DCTN5: variants seen among roughly 807,000 people sequenced by gnomAD.
The protein encoded by DCTN5 is dynactin 4.
Under a neutral mutation model 23.5 loss-of-function variants are expected in DCTN5, and 14 were observed. The observed-to-expected ratio is 0.60, with a 90% confidence interval of 0.39 to 0.93. The LOEUF (loss-of-function observed/expected upper bound fraction) is 0.93, where lower values mean the gene tolerates loss of function less well. Among genes scored for constraint, DCTN5 ranks in the 40% least tolerant of loss-of-function variants. The probability of loss-of-function intolerance (pLI) is 0.00; values close to 1 mark genes in which losing one functional copy is unlikely to be tolerated. For missense variants in DCTN5, 156 were observed against 225.9 expected, an observed-to-expected ratio of 0.69 and a Z score of 1.98; for synonymous variants, 67 against 79.6, an observed-to-expected ratio of 0.84 and a Z score of 0.84.
intron 2 of DCTN5, among the ~76,000 whole-genome samples, chr16:23,646,804 G>A (rs1166308003): frequency 1.5e-4 from 23 of 152,062 alleles, no homozygotes; most frequent in Admixed American, 1.1e-3. Context: ...TCAAACTCCC[G>A]ACCTCAGGTG....
chr16:23,664,718 A>G (rs1967873825), intron 4 of DCTN5, among the ~76,000 whole-genome samples: 1 of 152,244 alleles, frequency 6.6e-6, no homozygotes, highest in Admixed American at 6.5e-5. Context: ...AAAAGTGGTG[A>G]CAGTGGTTAA....
intron 4 of DCTN5, among the ~76,000 whole-genome samples, chr16:23,661,692 T>G (rs1459581633): frequency 6.6e-6 from 1 of 151,626 alleles, no homozygotes; most frequent in Non-Finnish European, 1.5e-5. Context: ...CTTTCCAGTC[T>G]GGGCAACAAA....
rs894233019 is a variant in DCTN5 at position 23,676,953 on chromosome 16, A to G, written c.*9809A>G. 1 of 152,190 alleles carries G rather than the reference A, an allele frequency of 6.6e-6. No homozygotes were observed. Among genetic ancestry groups the G allele is most frequent in the African/African-American group, 2.4e-5 (1 of 41,406 alleles). The allele number at this position is 152,190 out of a possible 1,614,324, so 9.4% of individuals were successfully genotyped here. On this transcript the variant is annotated 3_prime_UTR_variant, in exon 6 of 6. Coordinates refer to ENST00000300087, the MANE Select transcript of DCTN5 (RefSeq NM_032486.4). Reference sequence around the variant, plus strand: ...CTTTCCTTCTGGGAGTCAGATTTTCATATGTGTTAGGCAGAGGATGAGGTG... The same window carrying G: ...CTTTCCTTCTGGGAGTCAGATTTTCGTATGTGTTAGGCAGAGGATGAGGTG...
chr16:23,642,875 TG>T, intron 1 of DCTN5, 79 bp from the exon 2 acceptor site: 6 of 1,268,346 alleles, frequency 4.7e-6, no homozygotes, highest in Non-Finnish European at 5.8e-6. Context: ...TTCTCTCAAA[TG>T]GGAGCTTTCT....
Position 23,646,118 on chromosome 16 carries a change from A to G in DCTN5, c.117+3095A>G, listed in dbSNP as rs537973754. ...GTTATTTTCTGGTTTTTTTTGGATT[A>G]TGGCCATCCAAGGGAGTATAAAATG... On this transcript the variant is annotated intron_variant, in intron 2 of 5. Coordinates refer to ENST00000300087, the MANE Select transcript of DCTN5 (RefSeq NM_032486.4). Among the ~76,000 whole-genome samples the G allele has an allele frequency of 2.6e-5, 4 of 152,154 alleles. No individual in the cohort carries two copies. The South Asian group carries it at 8.3e-4, about 32-fold the overall frequency.
At chr16:23,642,894 A>G in intron 1 of DCTN5, 61 bp from the exon 2 acceptor site, 1 of 1,465,450 alleles carries the variant, frequency 6.8e-7, no homozygotes, top group Non-Finnish European at 9.6e-7. Flanking sequence ...TCTTGATGGA[A>G]ACCTGTAGTC....
At position 23,668,430 on chromosome 16, in the gene DCTN5, C is replaced by T. The variant is rs374901752; in HGVS notation, c.*1286C>T. The T allele has an allele frequency of 2.0e-4, 31 of 152,314 alleles. No homozygotes were observed. In the East Asian group the frequency reaches 5.4e-3, roughly 27 times the overall value. The allele number at this position is 152,314 out of a possible 1,614,324, so 9.4% of individuals were successfully genotyped here. Reference sequence around the variant, plus strand: ...ATAAAACCACCAAAATACATAGCTTCGACAAGATGGAAGTTTATTTCTCTC... The same window carrying T: ...ATAAAACCACCAAAATACATAGCTTTGACAAGATGGAAGTTTATTTCTCTC... On this transcript the variant is annotated 3_prime_UTR_variant, in exon 6 of 6. Transcript: ENST00000300087.
chr16:23,654,629 T>C (rs1967666569), intron 2 of DCTN5, among the ~76,000 whole-genome samples: 1 of 152,224 alleles, frequency 6.6e-6, no homozygotes, highest in African/African-American at 2.4e-5. Context: ...AATTATTTCC[T>C]TCTAGCTGTT....
At chr16:23,651,970 G>A (rs754093073) in intron 2 of DCTN5, among the ~76,000 whole-genome samples, 2 of 152,168 alleles carry the variant, frequency 1.3e-5, no homozygotes, top group Non-Finnish European at 2.9e-5. Flanking sequence ...GGGAGGCAGA[G>A]GTTGTAGTGA....
intron 2 of DCTN5, among the ~76,000 whole-genome samples, chr16:23,648,175 A>T (rs1044016947): frequency 2.0e-5 from 3 of 151,614 alleles, no homozygotes; most frequent in African/African-American, 7.3e-5. Context: ...AATTTTTTTG[A>T]GACAGGGTCT....
At chr16:23,665,535 C>A in intron 4 of DCTN5, 91 bp from the exon 5 acceptor site, 1 of 1,222,852 alleles carries the variant, frequency 8.2e-7, no homozygotes, top group Non-Finnish European at 1.1e-6. Context: ...CCGTCCCTGG[C>A]TATTACATGG....
intron 5 of DCTN5, chr16:23,666,774 C>T (rs1597126745): frequency 4.0e-6 from 2 of 494,340 alleles, no homozygotes; most frequent in East Asian, 6.2e-5. Flanking sequence ...TCAGATTCTT[C>T]GGGGAGGCAT....
chr16:23,662,937 T>C (rs1184183688), intron 4 of DCTN5, among the ~76,000 whole-genome samples: 4 of 152,232 alleles, frequency 2.6e-5, no homozygotes, highest in African/African-American at 9.6e-5. Flanking sequence ...TTTATGCCAC[T>C]TTTTAATACA....
chr16:23,642,017 C>T (rs536374051), intron 1 of DCTN5, among the ~76,000 whole-genome samples: 2 of 152,232 alleles, frequency 1.3e-5, no homozygotes, highest in East Asian at 1.9e-4. Context: ...CTGCAACCTC[C>T]GCCTCCCGGG....
rs934376030 is a variant in DCTN5 at position 23,651,003 on chromosome 16, T to C, written c.118-7504T>C. ...TTTCAAAAGCAACTGGAAATCTCACTTTTTAAAATGCAAGATGTTCCACTA... is the reference window on the plus strand; with the variant it reads ...TTTCAAAAGCAACTGGAAATCTCACCTTTTAAAATGCAAGATGTTCCACTA... On this transcript the variant is annotated intron_variant, in intron 2 of 5. Coordinates refer to ENST00000300087, the MANE Select transcript of DCTN5 (RefSeq NM_032486.4). 1.0e-5 allele frequency: 14 copies of C among 1,406,228 alleles called. No individual in the cohort carries two copies. In the African/African-American group the frequency reaches 2.0e-4, roughly 20 times the overall value. 87.1% of individuals were successfully genotyped at this position (1,406,228 alleles called of 1,614,324 possible). A position where few individuals can be genotyped will look rare whatever the true frequency, so the allele number is the denominator to read the frequency against.
In DCTN5 at chr16:23,675,151, T is replaced by C. The variant is rs1968067986; in HGVS notation, c.*8007T>C. 6.6e-6 allele frequency: 1 copy of C among 152,134 alleles called. No individual in the cohort carries two copies. Among genetic ancestry groups the C allele is most frequent in the African/African-American group, 2.4e-5 (1 of 41,436 alleles). 9.4% of individuals were successfully genotyped at this position (152,134 alleles called of 1,614,324 possible). A position where few individuals can be genotyped will look rare whatever the true frequency, so the allele number is the denominator to read the frequency against. On this transcript the variant is annotated 3_prime_UTR_variant, in exon 6 of 6. Coordinates refer to ENST00000300087, the MANE Select transcript of DCTN5 (RefSeq NM_032486.4). ...ATAATTACCAATTTCTGAATGTCTT[T>C]CTGGTTAAGTTGCATAAAAACGTTT...
rs1374715464 is a variant in DCTN5, at chr16:23,675,118, C to T, written c.*7974C>T. The T allele has an allele frequency of 6.6e-6, 1 of 152,012 alleles. No individual in the cohort carries two copies. Among genetic ancestry groups the T allele is most frequent in the Non-Finnish European group, 1.5e-5 (1 of 68,012 alleles). 9.4% of individuals were successfully genotyped at this position (152,012 alleles called of 1,614,324 possible). A position where few individuals can be genotyped will look rare whatever the true frequency, so the allele number is the denominator to read the frequency against. ...ATTTTTGTGGGGACATAATTCAACC[C>T]TCCACACATAATTACCAATTTCTGA... On this transcript the variant is annotated 3_prime_UTR_variant, in exon 6 of 6. Transcript: ENST00000300087.
intron 1 of DCTN5, chr16:23,642,735 C>T: frequency 1.9e-6 from 1 of 535,236 alleles, no homozygotes; most frequent in East Asian, 3.2e-5. Flanking sequence ...GATCCGTCTG[C>T]CTCAGCCTCT....
rs146108494 is a variant in DCTN5, at chr16:23,643,051, C to T, written c.117+28C>T. Reference sequence around the variant, plus strand: ...AAGGGACAAAGCCAGCTCCAGGCTGCAAACCTTAGCTTGCGTTCTGCTAAT... The same window carrying T: ...AAGGGACAAAGCCAGCTCCAGGCTGTAAACCTTAGCTTGCGTTCTGCTAAT... On this transcript the variant is annotated intron_variant, in intron 2 of 5. Coordinates refer to ENST00000300087, the MANE Select transcript of DCTN5 (RefSeq NM_032486.4). 4.8e-3 allele frequency: 7,745 copies of T among 1,602,456 alleles called. 28 individuals are homozygous for T. The highest frequency in any genetic ancestry group is 5.8e-3 in the Non-Finnish European group (6,753 of 1,169,444).
Sources: gnomAD v4.1 joint callset for allele counts (sites outside exome capture counted in the v4.1 genomes callset) on GRCh38, gnomAD v4.1.1 for gene constraint, MANE v1.5 for transcripts, NCBI Gene and HGNC (gene_info 2026-07-23, HGNC 2026-07-21) for gene names.